ACOXL: variants seen among roughly 807,000 people sequenced by gnomAD.
ACOXL encodes the protein acyl-coenzyme A oxidase-like protein.
ACOXL carries 70 observed loss-of-function variants against 71.9 expected under a neutral mutation model. The observed-to-expected ratio is 0.97, with a 90% CI of 0.80 to 1.19. The LOEUF (loss-of-function observed/expected upper bound fraction) is 1.19, where lower values mean the gene tolerates loss of function less well. Ranked by LOEUF, ACOXL falls within the 50% of genes most tolerant of loss-of-function variation. The pLI is 0.00. For synonymous variants in ACOXL, 253 were observed against 281.6 expected (o/e 0.90, Z 1.02); for missense variants, 703 against 736.3 (o/e 0.95, Z 0.52).
At chr2:110,890,480 ATT>A (rs1309935036) in intron 10 of ACOXL, among the ~76,000 whole-genome samples, 1 of 152,138 alleles carries the variant, frequency 6.6e-6, no homozygotes, top group African/African-American at 2.4e-5. Flanking sequence ...TTTTGAGTTA[ATT>A]TTGTGTATGG....
intron 3 of ACOXL, 148 bp from the exon 4 acceptor site, chr2:110,793,502 G>A: frequency 1.4e-6 from 1 of 695,526 alleles, no homozygotes; most frequent in Non-Finnish European, 2.6e-6. Flanking sequence ...CAGTGAAGAG[G>A]AAGGGCAAAG....
At chr2:111,049,426 G>A (rs951375496) in intron 16 of ACOXL, 138 bp downstream of exon 16, 2 of 683,902 alleles carry the variant, frequency 2.9e-6, no homozygotes, top group African/African-American at 3.6e-5. Context: ...CTTGTCATAG[G>A]CGAATTGGAG....
intron 16 of ACOXL, among the ~76,000 whole-genome samples, chr2:111,070,608 A>G (rs539801122): frequency 1.3e-5 from 2 of 152,234 alleles, no homozygotes; most frequent in African/African-American, 2.4e-5. Flanking sequence ...AAGTTTACCT[A>G]TATTACAAAC....
chr2:110,774,999 C>T (rs1359885299), intron 2 of ACOXL, among the ~76,000 whole-genome samples: 7 of 152,112 alleles, frequency 4.6e-5, no homozygotes, highest in Non-Finnish European at 2.9e-5. Context: ...AATAAAGAGC[C>T]CCTAGAAATA....
intron 17 of ACOXL, chr2:111,113,134 C>T (rs553872140): frequency 6.6e-6 from 1 of 152,272 alleles, no homozygotes; most frequent in Non-Finnish European, 1.5e-5. Flanking sequence ...CACATATCCT[C>T]CAGCAACTGG....
At chr2:110,796,891 G>A (rs1461990478) in intron 5 of ACOXL, among the ~76,000 whole-genome samples, 6 of 152,206 alleles carry the variant, frequency 3.9e-5, no homozygotes, top group Admixed American at 2.0e-4. Context: ...CTTGGCCAGC[G>A]GGAAAGTGTT....
intron 9 of ACOXL, among the ~76,000 whole-genome samples, chr2:110,815,832 G>A (rs1573651822): frequency 6.6e-6 from 1 of 152,190 alleles, no homozygotes; most frequent in African/African-American, 2.4e-5. Context: ...TCAGGGGTAA[G>A]AAAGTCTTGC....
intron 10 of ACOXL, among the ~76,000 whole-genome samples, chr2:110,853,990 TG>T (rs1222314161): frequency 5.3e-5 from 8 of 151,836 alleles, no homozygotes; most frequent in Admixed American, 3.3e-4. Context: ...GCTTCTTCCA[TG>T]GACTAAATGA....
At chr2:110,937,443 G>A (rs1210599748) in intron 12 of ACOXL, among the ~76,000 whole-genome samples, 1 of 152,154 alleles carries the variant, frequency 6.6e-6, no homozygotes, top group Non-Finnish European at 1.5e-5. Context: ...GATGAAACAC[G>A]ATGTACATTT....
At chr2:111,031,390 G>A (rs1029656126) in intron 14 of ACOXL, among the ~76,000 whole-genome samples, 1 of 152,150 alleles carries the variant, frequency 6.6e-6, no homozygotes, top group African/African-American at 2.4e-5. Context: ...TAACGTCTGT[G>A]ACCTCCATTA....
intron 14 of ACOXL, among the ~76,000 whole-genome samples, chr2:111,023,751 TGAAGCTGTCACAGCTGGG>T (rs1359874557): frequency 1.3e-5 from 2 of 151,872 alleles, no homozygotes; most frequent in Non-Finnish European, 2.9e-5. Flanking sequence ...ACAGGGAAAT[TGAAGCTGTCACAGCTGGG>T]GAAGCTGTCA....
At chr2:110,786,146 T>G (rs1241143535) in intron 3 of ACOXL, among the ~76,000 whole-genome samples, 4 of 152,126 alleles carry the variant, frequency 2.6e-5, no homozygotes, top group Non-Finnish European at 5.9e-5. Flanking sequence ...CACCACTGGA[T>G]CTCAGAATGA....
intron 10 of ACOXL, among the ~76,000 whole-genome samples, chr2:110,907,207 G>T (rs2059484654): frequency 6.6e-6 from 1 of 152,164 alleles, no homozygotes; most frequent in South Asian, 2.1e-4. Context: ...TCCTCACATG[G>T]TCTTTCTCAG....
intron 16 of ACOXL, among the ~76,000 whole-genome samples, chr2:111,092,309 A>G (rs1427050382): frequency 1.3e-5 from 2 of 152,210 alleles, no homozygotes; most frequent in Non-Finnish European, 2.9e-5. Context: ...AGGGAAACTC[A>G]TTTATTGTTG....
At chr2:110,973,096 G>A (rs1226237379) in intron 12 of ACOXL, among the ~76,000 whole-genome samples, 1 of 152,202 alleles carries the variant, frequency 6.6e-6, no homozygotes, top group East Asian at 1.9e-4. Flanking sequence ...TGCACATGGT[G>A]CCATAAGATA....
intron 12 of ACOXL, among the ~76,000 whole-genome samples, chr2:110,959,016 C>T (rs2061603507): frequency 6.6e-6 from 1 of 152,234 alleles, no homozygotes; most frequent in South Asian, 2.1e-4. Flanking sequence ...CCCCTCCAGG[C>T]AGATGAGACC....
chr2:110,958,795 A>C (rs1292532797), intron 12 of ACOXL, among the ~76,000 whole-genome samples: 2 of 152,202 alleles, frequency 1.3e-5, no homozygotes, highest in Non-Finnish European at 2.9e-5. Flanking sequence ...GCATCCTGGG[A>C]CACCAAGGAG....
chr2:111,061,205 C>T (rs1484554894), intron 16 of ACOXL, among the ~76,000 whole-genome samples: 3 of 152,152 alleles, frequency 2.0e-5, no homozygotes, highest in Non-Finnish European at 4.4e-5. Context: ...AAGAAATTCA[C>T]ACCAAGACAC....
intron 15 of ACOXL, among the ~76,000 whole-genome samples, chr2:111,044,394 G>T (rs1280344307): frequency 6.6e-6 from 1 of 152,256 alleles, no homozygotes; most frequent in Admixed American, 6.5e-5. Flanking sequence ...GGAGGAGTGG[G>T]TGCAAGTTCC....
Sources: gnomAD v4.1 joint callset for allele counts (sites outside exome capture counted in the v4.1 genomes callset) on GRCh38, gnomAD v4.1.1 for gene constraint, MANE v1.5 for transcripts, NCBI Gene and HGNC (gene_info 2026-07-23, HGNC 2026-07-21) for gene names.